The following DOCK10 variants were observed in gnomAD, a reference collection of about 807,000 sequenced individuals.
DOCK10 encodes the protein dedicator of cytokinesis protein 10.
In DOCK10, 145 loss-of-function variants were observed where a neutral mutation model predicts 280.1. The observed-to-expected ratio is 0.52, with a 90% CI of 0.45 to 0.59. The LOEUF is 0.59. Among genes scored for constraint, DOCK10 ranks in the 20% least tolerant of loss-of-function variants. DOCK10 has a pLI of 0.00. For synonymous variants in DOCK10, 915 were observed against 942.2 expected, an observed-to-expected ratio of 0.97 and a Z score of 0.53; for missense variants, 2,368 against 2,651.7, an observed-to-expected ratio of 0.89 and a Z score of 2.35.
chr2:224,875,605 A>G (rs542612192), intron 8 of DOCK10, among the ~76,000 whole-genome samples: 97 of 152,356 alleles, frequency 6.4e-4, no homozygotes, highest in African/African-American at 2.3e-3. Flanking sequence ...CACATATAAG[A>G]TGATCACAGT....
intron 1 of DOCK10, among the ~76,000 whole-genome samples, chr2:224,984,274 A>C (rs1394092322): frequency 6.6e-6 from 1 of 152,216 alleles, no homozygotes; most frequent in South Asian, 2.1e-4. Flanking sequence ...TCCGCTATCC[A>C]CCATGGGCTT....
chr2:224,896,212 A>G, intron 4 of DOCK10, 83 bp downstream of exon 4: 1 of 793,094 alleles, frequency 1.3e-6, no homozygotes, highest in Non-Finnish European at 2.0e-6. Flanking sequence ...ATGTACGTGT[A>G]TTCATGAACA....
chr2:225,000,492 G>T (rs758103250), intron 1 of DOCK10, among the ~76,000 whole-genome samples: 5 of 152,168 alleles, frequency 3.3e-5, no homozygotes, highest in African/African-American at 1.2e-4. Context: ...TTTCCTGTTC[G>T]TAATTCATTG....
At position 224,816,706 on chromosome 2, in the gene DOCK10, C is replaced by T; in HGVS notation, c.3275G>A (p.Cys1092Tyr). The T allele has an allele frequency of 6.3e-7, 1 of 1,589,714 alleles. No homozygotes were observed. Among genetic ancestry groups the T allele is most frequent in the Non-Finnish European group, 8.6e-7 (1 of 1,162,644 alleles). The stretch of plus-strand genomic sequence containing the variant: ...TTGAAGAAAATCAAATTTATACTGG[C>T]ACAAGGTCTGAAAGAGAGGCAAACT... ...MFSSGDLKTLCQYKFDFLQEV... is the reference protein window; with the variant it reads ...MFSSGDLKTLYQYKFDFLQEV... Residue 1092 changes from cysteine to tyrosine, a missense_variant, in exon 30 of 56, where the codon TGC becomes TAC. Cys to Tyr is a radical substitution (Grantham distance 194, BLOSUM62 -2). Around this residue, in one of 2 missense-constraint regions of DOCK10, gnomAD observed 1,159 missense variants for 1,400.8 expected, o/e 0.83. Transcript: ENST00000258390.
chr2:225,017,790 G>GT (rs1384190258), intron 1 of DOCK10, among the ~76,000 whole-genome samples: 1 of 151,694 alleles, frequency 6.6e-6, no homozygotes, highest in African/African-American at 2.4e-5. Flanking sequence ...CACTAACGTA[G>GT]TTAGGTTAAT....
chr2:224,786,298 C>T lies in DOCK10; in HGVS notation c.5655+724G>A, dbSNP rs937973969. On this transcript the variant is annotated intron_variant, in intron 50 of 55. Coordinates refer to ENST00000258390, the MANE Select transcript of DOCK10 (RefSeq NM_014689.3). This position sits in a 1 kb window ranked among gnomAD's most constrained non-coding sequence, Gnocchi z 4.7. ...TCCACACAAGCAACAGTCTAAAATA[C>T]GTCTGCTGAAATATAATAGCGTTAT... 3.9e-5 allele frequency among the ~76,000 whole-genome samples: 6 copies of T among 152,180 alleles called. No individual in the cohort carries two copies. The highest frequency in any genetic ancestry group is 1.2e-4 in the African/African-American group (5 of 41,448).
chr2:225,009,624 G>A (rs552176767), intron 1 of DOCK10, among the ~76,000 whole-genome samples: 5 of 134,220 alleles, frequency 3.7e-5, no homozygotes, highest in Non-Finnish European at 7.9e-5. Flanking sequence ...CAATGACAAA[G>A]GCAAGCCCTA....
At position 224,956,625 on chromosome 2, in the gene DOCK10, G is replaced by GAA. The variant is rs3083983; in HGVS notation, c.124-24959_124-24958dup. Reference sequence around the variant, plus strand: ...GGCAACAGGGCGAGACGCTACCTCAGAAAAAAAAAAAAAAAAAAAAAAAAA... The same window carrying GAA: ...GGCAACAGGGCGAGACGCTACCTCAGAAAAAAAAAAAAAAAAAAAAAAAAAAA... On this transcript the variant is annotated intron_variant, in intron 1 of 55. Transcript: ENST00000258390. Among the ~76,000 whole-genome samples, 529 of 78,286 alleles carry GAA rather than the reference G, an allele frequency of 6.8e-3. 1 individual carries two copies. The highest frequency in any genetic ancestry group is 0.011 in the East Asian group (27 of 2,414). The allele number at this position is 78,286 out of a possible 152,430, so 51.4% of individuals were successfully genotyped here.
chr2:224,768,198 GA>G (rs1690184931), intron 55 of DOCK10, among the ~76,000 whole-genome samples: 1 of 152,112 alleles, frequency 6.6e-6, no homozygotes, highest in Non-Finnish European at 1.5e-5. Context: ...ATTACAGCAT[GA>G]GCCACCGTGC....
At chr2:224,915,971 A>T (rs1979963) in intron 3 of DOCK10, among the ~76,000 whole-genome samples, 35,177 of 152,224 alleles carry the variant, frequency 0.23, 4,562 homozygotes, top group Non-Finnish European at 0.28. Flanking sequence ...AAATCTCATG[A>T]TGAAATGTAA....
intron 1 of DOCK10, chr2:224,946,893 C>T (rs941191951): frequency 5.8e-5 from 89 of 1,546,760 alleles, no homozygotes; most frequent in Non-Finnish European, 7.2e-5. Flanking sequence ...CCTCACAGTT[C>T]GTCTCTTCTT....
intron 1 of DOCK10, among the ~76,000 whole-genome samples, chr2:224,960,232 T>C (rs1704286271): frequency 6.6e-6 from 1 of 152,210 alleles, no homozygotes; most frequent in Non-Finnish European, 1.5e-5. Flanking sequence ...CCGCCGTGCT[T>C]ACTGAGGCCT....
chr2:224,847,637 C>T (rs572653227), intron 19 of DOCK10, among the ~76,000 whole-genome samples: 1 of 152,258 alleles, frequency 6.6e-6, no homozygotes, highest in African/African-American at 2.4e-5. Flanking sequence ...ACCCTTTGGC[C>T]AACCAATAGC....
chr2:224,914,066 T>C (rs1009377774), intron 3 of DOCK10, among the ~76,000 whole-genome samples: 6 of 152,170 alleles, frequency 3.9e-5, no homozygotes, highest in African/African-American at 1.4e-4. Context: ...ACTTAGATTC[T>C]TTTTTTCATC....
At chr2:225,010,310 A>T (rs1470865080) in intron 1 of DOCK10, among the ~76,000 whole-genome samples, 1 of 152,094 alleles carries the variant, frequency 6.6e-6, no homozygotes, top group Non-Finnish European at 1.5e-5. Context: ...CAAGAAGCCT[A>T]AACTCAGTGT....
intron 50 of DOCK10, among the ~76,000 whole-genome samples, chr2:224,784,112 CT>C (rs1237400286): frequency 6.6e-6 from 1 of 152,132 alleles, no homozygotes; most frequent in African/African-American, 2.4e-5. Flanking sequence ...TCTTACCTTG[CT>C]CCTTTCTCCA....
At chr2:225,028,239 G>C (rs922799354) in intron 1 of DOCK10, among the ~76,000 whole-genome samples, 1 of 152,128 alleles carries the variant, frequency 6.6e-6, no homozygotes, top group Non-Finnish European at 1.5e-5. Flanking sequence ...GTGGGTCCGA[G>C]GGGCGCAACA....
chr2:224,897,667 G>C (rs191766029), intron 3 of DOCK10, among the ~76,000 whole-genome samples: 20 of 152,040 alleles, frequency 1.3e-4, no homozygotes, highest in African/African-American at 4.6e-4. Flanking sequence ...TCTGTGCCTG[G>C]CTTATTTCAC....
intron 51 of DOCK10, among the ~76,000 whole-genome samples, chr2:224,777,662 G>T (rs1690972317): frequency 6.6e-6 from 1 of 152,160 alleles, no homozygotes; most frequent in Admixed American, 6.6e-5. Context: ...TTGCTCCTCA[G>T]CTTGCAGACA....
Sources: gnomAD v4.1 joint callset for allele counts (sites outside exome capture counted in the v4.1 genomes callset) on GRCh38, gnomAD v4.1.1 for gene constraint, gnomAD v4.1.1 regional missense constraint, Gnocchi (gnomAD v3.1) non-coding constraint, MANE v1.5 for transcripts, NCBI Gene and HGNC (gene_info 2026-07-23, HGNC 2026-07-21) for gene names.